Variants in UBE2N observed in about 807,000 individuals in gnomAD.
UBE2N encodes ubiquitin-conjugating enzyme E2 N.
For missense variants in UBE2N, 60 were observed against 192.1 expected, an observed-to-expected ratio of 0.31 and a Z score of 4.07; for synonymous variants, 70 against 69.2, an observed-to-expected ratio of 1.01 and a Z score of -0.06.
In UBE2N at chr12:93,408,537, G is replaced by A. The variant is rs554640828; in HGVS notation, c.*1502C>T. ...ACTGCAAGAGACAAGGTTGCAACCC[G>A]AAGGTTAACATTTATGTATTTATGA... is the stretch of plus-strand genomic sequence containing the variant. On this transcript the variant is annotated 3_prime_UTR_variant, in exon 4 of 4. Coordinates refer to ENST00000318066, the MANE Select transcript of UBE2N (RefSeq NM_003348.4). 5 of 152,226 alleles carry A rather than the reference G, an allele frequency of 3.3e-5. No individual in the cohort carries two copies. The highest frequency in any genetic ancestry group is 5.9e-5 in the Non-Finnish European group (4 of 68,014). 9.4% of individuals were successfully genotyped at this position (152,226 alleles called of 1,614,324 possible). A position where few individuals can be genotyped will look rare whatever the true frequency, so the allele number is the denominator to read the frequency against.
chr12:93,411,394 A>G, intron 1 of UBE2N, 95 bp from the exon 2 acceptor site: 1 of 1,485,338 alleles, frequency 6.7e-7, no homozygotes, highest in Non-Finnish European at 9.0e-7. Flanking sequence ...AACTACGCAT[A>G]ATAGAACAGC....
chr12:93,407,057 A>G lies in UBE2N; in HGVS notation c.*2982T>C, dbSNP rs183804732. ...AAGACTGGGTCCCACTATGTTAGCC[A>G]GGCTGGTCACAAACTCCTGGACTCA... On this transcript the variant is annotated 3_prime_UTR_variant, in exon 4 of 4. Coordinates refer to ENST00000318066, the MANE Select transcript of UBE2N (RefSeq NM_003348.4). The G allele has an allele frequency of 7.9e-5, 12 of 152,374 alleles. No homozygotes were observed. The East Asian group carries it at 2.3e-3, about 29-fold the overall frequency. 9.4% of individuals were successfully genotyped at this position (152,374 alleles called of 1,614,324 possible).
At chr12:93,417,280 C>T (rs1219973611) in intron 1 of UBE2N, among the ~76,000 whole-genome samples, 9 of 152,088 alleles carry the variant, frequency 5.9e-5, no homozygotes, top group African/African-American at 2.2e-4. Context: ...AAGAGCAAAC[C>T]CTAGACTCAC....
At chr12:93,427,898 A>G (rs137894906) in intron 1 of UBE2N, among the ~76,000 whole-genome samples, 2 of 152,308 alleles carry the variant, frequency 1.3e-5, no homozygotes, top group Non-Finnish European at 2.9e-5. Context: ...AGTATATAAC[A>G]TATTCACAGC....
chr12:93,428,161 C>T (rs1878649533), intron 1 of UBE2N, among the ~76,000 whole-genome samples: 1 of 152,128 alleles, frequency 6.6e-6, no homozygotes, highest in Non-Finnish European at 1.5e-5. Context: ...CTCAAGCAAT[C>T]TACTTGCTTC....
chr12:93,424,604 T>C (rs896163938), intron 1 of UBE2N, among the ~76,000 whole-genome samples: 3 of 152,176 alleles, frequency 2.0e-5, no homozygotes, highest in Non-Finnish European at 2.9e-5. Flanking sequence ...ACAGTAAGCA[T>C]CCTCTCTCAG....
intron 2 of UBE2N, 35 bp from the exon 3 acceptor site, chr12:93,410,909 G>A: frequency 1.2e-6 from 2 of 1,614,012 alleles, no homozygotes; most frequent in Non-Finnish European, 1.7e-6. Context: ...GATAAAGCAT[G>A]AAAAAAACAG....
At chr12:93,434,718 T>A (rs1467690118) in intron 1 of UBE2N, among the ~76,000 whole-genome samples, 1 of 151,842 alleles carries the variant, frequency 6.6e-6, no homozygotes, top group Non-Finnish European at 1.5e-5. Flanking sequence ...AGTCATACGT[T>A]AAAAAAAATA....
chr12:93,430,298 C>G (rs1878721963), intron 1 of UBE2N, among the ~76,000 whole-genome samples: 1 of 152,132 alleles, frequency 6.6e-6, no homozygotes, highest in African/African-American at 2.4e-5. Context: ...GCTACACTAT[C>G]TAGGTTTGTA....
In UBE2N at chr12:93,441,898, G is replaced by C. The variant is rs916927427; in HGVS notation, c.-14C>G. On this transcript the variant is annotated 5_prime_UTR_variant, in exon 1 of 4. Transcript: ENST00000318066. Reference sequence around the variant, plus strand: ...CAGCCCGGCCATCTTGTCAGAACCCGAGTTCGGCCTCTGGTCTCGTCTCCG... The same window carrying C: ...CAGCCCGGCCATCTTGTCAGAACCCCAGTTCGGCCTCTGGTCTCGTCTCCG... 6.3e-7 allele frequency: 1 copy of C among 1,575,226 alleles called. No homozygotes were observed. The highest frequency in any genetic ancestry group is 8.6e-7 in the Non-Finnish European group (1 of 1,163,378).
At position 93,410,036 on chromosome 12, in the gene UBE2N, A is replaced by T; in HGVS notation, c.*3T>A. 6.2e-7 allele frequency: 1 copy of T among 1,613,020 alleles called. No homozygotes were observed. The highest frequency in any genetic ancestry group is 8.5e-7 in the Non-Finnish European group (1 of 1,179,548). ...GTGATGCACACTTGATGATCGTATC[A>T]ATTTAAATATTATTCATGGCATATA... On this transcript the variant is annotated 3_prime_UTR_variant, in exon 4 of 4. Coordinates refer to ENST00000318066, the MANE Select transcript of UBE2N (RefSeq NM_003348.4).
chr12:93,426,295 C>T (rs1019631259), intron 1 of UBE2N, among the ~76,000 whole-genome samples: 2 of 148,592 alleles, frequency 1.3e-5, no homozygotes, highest in African/African-American at 5.0e-5. Context: ...CTTGAGTCTC[C>T]GAAAGAATGC....
intron 1 of UBE2N, among the ~76,000 whole-genome samples, chr12:93,411,983 C>T (rs182721396): frequency 1.3e-5 from 2 of 152,252 alleles, no homozygotes; most frequent in African/African-American, 4.8e-5. Context: ...TGGGCCAACA[C>T]ACTCGGCCAA....
chr12:93,441,834 G>T, intron 1 of UBE2N, 21 bp downstream of exon 1: 1 of 1,579,656 alleles, frequency 6.3e-7, no homozygotes, highest in East Asian at 2.5e-5. Context: ...CGAAGAGCTG[G>T]AGGCCGGCCT....
chr12:93,417,880 AC>A (rs780009384), intron 1 of UBE2N, among the ~76,000 whole-genome samples: 6 of 152,316 alleles, frequency 3.9e-5, no homozygotes, highest in African/African-American at 1.4e-4. Context: ...GTAAGATAAA[AC>A]AAACGGGCTC....
chr12:93,424,437 T>A (rs566307221), intron 1 of UBE2N: 5 of 152,232 alleles, frequency 3.3e-5, no homozygotes, highest in African/African-American at 1.2e-4. Context: ...TCGCTCAGAT[T>A]TGCATTCTCA....
rs1185391672 is a variant in UBE2N, at chr12:93,409,131, G to C, written c.*908C>G. Reference sequence around the variant, plus strand: ...GAAGGTTAAAAAAAGGTCAGATACTGATGCTTTATGCATGCTCAGGGCCAG... The same window carrying C: ...GAAGGTTAAAAAAAGGTCAGATACTCATGCTTTATGCATGCTCAGGGCCAG... On this transcript the variant is annotated 3_prime_UTR_variant, in exon 4 of 4. Coordinates refer to ENST00000318066, the MANE Select transcript of UBE2N (RefSeq NM_003348.4). 1 of 152,712 alleles carries C rather than the reference G, an allele frequency of 6.5e-6. No individual in the cohort carries two copies. The highest frequency in any genetic ancestry group is 3.4e-3 in the Middle Eastern group (1 of 294). The allele number at this position is 152,712 out of a possible 1,614,324, so 9.5% of individuals were successfully genotyped here.
rs1592737967 is a variant in UBE2N, at chr12:93,408,442, G to A, written c.*1597C>T. 6.6e-6 allele frequency: 1 copy of A among 152,140 alleles called. No homozygotes were observed. Among genetic ancestry groups the A allele is most frequent in the African/African-American group, 2.4e-5 (1 of 41,426 alleles). 9.4% of individuals were successfully genotyped at this position (152,140 alleles called of 1,614,324 possible). A position where few individuals can be genotyped will look rare whatever the true frequency, so the allele number is the denominator to read the frequency against. On this transcript the variant is annotated 3_prime_UTR_variant, in exon 4 of 4. Transcript: ENST00000318066. ...AGCACAATAAAATACACCACAATCT[G>A]AAGAAACTCCAGAATTACGAGAATA...
At chr12:93,424,258 G>GTAT (rs1285555365) in intron 1 of UBE2N, 10 of 152,252 alleles carry the variant, frequency 6.6e-5, no homozygotes, top group African/African-American at 2.4e-4. Flanking sequence ...TAGCTACCAT[G>GTAT]TATTTACTTA....
Sources: allele counts gnomAD v4.1 joint callset (sites outside exome capture counted in the v4.1 genomes callset), GRCh38; gene constraint gnomAD v4.1.1; transcripts MANE v1.5; gene names NCBI Gene and HGNC (gene_info 2026-07-23, HGNC 2026-07-21).